ASIC2: variants seen among roughly 807,000 people sequenced by gnomAD.
The protein encoded by ASIC2 is acid sensing ion channel subunit 2.
ASIC2 carries 25 observed loss-of-function variants against 57.3 expected under a neutral mutation model. The observed-to-expected ratio is 0.44, with a 90% CI of 0.32 to 0.61. ASIC2 has a LOEUF of 0.61. Among genes scored for constraint, ASIC2 ranks in the 20% least tolerant of loss-of-function variants. ASIC2 has a pLI of 0.06. For missense variants in ASIC2, 641 were observed against 738.1 expected, an observed-to-expected ratio of 0.87 and a Z score of 1.52; for synonymous variants, 319 against 307.5, an observed-to-expected ratio of 1.04 and a Z score of -0.39.
chr17:33,025,667 A>C (rs1598240046), intron 5 of ASIC2, among the ~76,000 whole-genome samples: 1 of 149,158 alleles, frequency 6.7e-6, no homozygotes, highest in Non-Finnish European at 1.5e-5. Context: ...CTCCATCTCC[A>C]CCTTCCATAT....
intron 2 of ASIC2, among the ~76,000 whole-genome samples, chr17:33,097,624 T>C (rs1428055239): frequency 6.6e-6 from 1 of 152,222 alleles, no homozygotes; most frequent in African/African-American, 2.4e-5. Flanking sequence ...CCCTGCCTTT[T>C]GTTAGTGGGC....
At chr17:33,670,188 A>G (rs1046286476) in intron 1 of ASIC2, among the ~76,000 whole-genome samples, 1 of 152,122 alleles carries the variant, frequency 6.6e-6, no homozygotes, top group African/African-American at 2.4e-5. Context: ...ATTGAAAACC[A>G]TGGGGCACCC....
intron 1 of ASIC2, among the ~76,000 whole-genome samples, chr17:33,857,082 C>A (rs1232840770): frequency 6.6e-6 from 1 of 152,116 alleles, no homozygotes; most frequent in Non-Finnish European, 1.5e-5. Flanking sequence ...TTGCTCTCTG[C>A]TGTTCTCAGT....
intron 1 of ASIC2, among the ~76,000 whole-genome samples, chr17:33,952,982 T>C (rs1443083662): frequency 1.3e-5 from 2 of 152,214 alleles, no homozygotes; most frequent in African/African-American, 2.4e-5. Context: ...GTATTTTAAT[T>C]AAATGCCTTA....
At chr17:33,699,166 T>C (rs1029374516) in intron 1 of ASIC2, among the ~76,000 whole-genome samples, 1 of 152,146 alleles carries the variant, frequency 6.6e-6, no homozygotes, top group Non-Finnish European at 1.5e-5. Context: ...TAACACTGGT[T>C]CTCTCCTCAC....
intron 1 of ASIC2, among the ~76,000 whole-genome samples, chr17:33,866,616 T>C (rs1410906588): frequency 5.3e-5 from 8 of 152,198 alleles, no homozygotes; most frequent in Admixed American, 5.2e-4. Flanking sequence ...AACTCTCTGA[T>C]TCTTTCATCT....
chr17:33,172,670 G>A (rs1905570683), intron 1 of ASIC2, among the ~76,000 whole-genome samples: 1 of 152,194 alleles, frequency 6.6e-6, no homozygotes, highest in Non-Finnish European at 1.5e-5. Flanking sequence ...GAACTTCTCA[G>A]CCATGAGCTC....
chr17:33,930,942 G>A (rs1267250222), intron 1 of ASIC2, among the ~76,000 whole-genome samples: 1 of 152,074 alleles, frequency 6.6e-6, no homozygotes, highest in Non-Finnish European at 1.5e-5. Flanking sequence ...TATTTTAGAC[G>A]GAGTCTCTCT....
At chr17:33,286,475 C>T (rs1349363232) in intron 1 of ASIC2, among the ~76,000 whole-genome samples, 2 of 152,186 alleles carry the variant, frequency 1.3e-5, no homozygotes, top group African/African-American at 2.4e-5. Context: ...GCACCCACTA[C>T]ATAATTGCAT....
chr17:34,133,038 T>C (rs1398009611), intron 1 of ASIC2, among the ~76,000 whole-genome samples: 1 of 152,186 alleles, frequency 6.6e-6, no homozygotes, highest in African/African-American at 2.4e-5. Context: ...TGAGATGATA[T>C]ATGTAAAGGC....
chr17:33,079,011 C>T (rs1036442954), intron 3 of ASIC2, among the ~76,000 whole-genome samples: 16 of 151,954 alleles, frequency 1.1e-4, no homozygotes, highest in South Asian at 2.1e-4. Context: ...GGTGGGAGCC[C>T]GGAGGTAGAA....
At chr17:34,101,602 T>C (rs1910866559) in intron 1 of ASIC2, among the ~76,000 whole-genome samples, 1 of 152,220 alleles carries the variant, frequency 6.6e-6, no homozygotes, top group Admixed American at 6.5e-5. Context: ...TGTGAATCTC[T>C]CCTTTTGCAC....
chr17:33,993,180 C>G (rs1906052200), intron 1 of ASIC2, among the ~76,000 whole-genome samples: 1 of 152,162 alleles, frequency 6.6e-6, no homozygotes, highest in African/African-American at 2.4e-5. Flanking sequence ...TTCAGGGAGC[C>G]TGAAAGTCAA....
At chr17:33,639,183 A>G (rs1366879861) in intron 1 of ASIC2, among the ~76,000 whole-genome samples, 2 of 151,946 alleles carry the variant, frequency 1.3e-5, no homozygotes, top group African/African-American at 2.4e-5. Context: ...AGGCTTTTCC[A>G]AGGAGTCAAT....
chr17:33,296,386 C>T (rs750968371), upstream of ASIC2, among the ~76,000 whole-genome samples: 1 of 152,158 alleles, frequency 6.6e-6, no homozygotes, highest in Non-Finnish European at 1.5e-5. Flanking sequence ...CTCAGAGGTA[C>T]TTGGACACAA....
At chr17:33,856,462 T>C (rs868791110) in intron 1 of ASIC2, among the ~76,000 whole-genome samples, 1 of 77,202 alleles carries the variant, frequency 1.3e-5, no homozygotes. Flanking sequence ...AATAGTCTTA[T>C]CAGTAGTAGT....
intron 1 of ASIC2, among the ~76,000 whole-genome samples, chr17:33,282,075 T>C (rs1195542498): frequency 6.6e-6 from 1 of 152,264 alleles, no homozygotes; most frequent in Non-Finnish European, 1.5e-5. Flanking sequence ...GGACAGATTC[T>C]GCTTCAAAAT....
chr17:33,299,385 GGAGA>G (rs1905857428), intron 1 of ASIC2, among the ~76,000 whole-genome samples: 1 of 152,166 alleles, frequency 6.6e-6, no homozygotes, highest in Non-Finnish European at 1.5e-5. Flanking sequence ...ACTGGTGGAA[GGAGA>G]GAGAGGACTT....
intron 1 of ASIC2, among the ~76,000 whole-genome samples, chr17:33,849,711 A>C (rs997609516): frequency 7.9e-5 from 12 of 152,208 alleles, no homozygotes; most frequent in Non-Finnish European, 1.6e-4. Context: ...GAGACTGGGC[A>C]AAAGGGAATA....
Sources: allele counts gnomAD v4.1 joint callset (sites outside exome capture counted in the v4.1 genomes callset), GRCh38; gene constraint gnomAD v4.1.1; transcripts MANE v1.5; gene names NCBI Gene and HGNC (gene_info 2026-07-23, HGNC 2026-07-21).